Variants in THUMPD3 observed in about 807,000 individuals in gnomAD.
THUMPD3 encodes tRNA (guanine(6)-N(2))-methyltransferase THUMP3.
Under a neutral mutation model 54.5 loss-of-function variants are expected in THUMPD3, and 44 were observed. The observed-to-expected ratio is 0.81, with a 90% CI of 0.63 to 1.04. THUMPD3 has a LOEUF of 1.04. Ranked by LOEUF, THUMPD3 falls within the 50% of genes least tolerant of loss-of-function variation. The pLI, the probability that THUMPD3 is intolerant of heterozygous loss-of-function variation, is 0.00. For missense variants in THUMPD3, 604 were observed against 601.3 expected, an observed-to-expected ratio of 1.00 and a Z score of -0.05; for synonymous variants, 196 against 201.4, an observed-to-expected ratio of 0.97 and a Z score of 0.23.
At chr3:9,379,061 G>T (rs2032680796) in intron 6 of THUMPD3, among the ~76,000 whole-genome samples, 1 of 151,848 alleles carries the variant, frequency 6.6e-6, no homozygotes, top group African/African-American at 2.4e-5. Context: ...TGATCAAAAT[G>T]AATAAAATTA....
chr3:9,370,577 T>C (rs1206916885), intron 3 of THUMPD3, among the ~76,000 whole-genome samples: 2 of 152,224 alleles, frequency 1.3e-5, no homozygotes, highest in Admixed American at 1.3e-4. Context: ...CCTGAGTAGC[T>C]GGGACTACAG....
intron 3 of THUMPD3, among the ~76,000 whole-genome samples, chr3:9,367,287 G>T (rs772588170): frequency 1.3e-5 from 2 of 152,192 alleles, no homozygotes; most frequent in Non-Finnish European, 2.9e-5. Context: ...AAAGAGAATT[G>T]CTTCCAGAAC....
chr3:9,384,102 A>C (rs1218593421), intron 8 of THUMPD3, 110 bp from the exon 9 acceptor site: 1 of 1,234,842 alleles, frequency 8.1e-7, no homozygotes, highest in East Asian at 2.4e-5. Flanking sequence ...GGTTTCTAAA[A>C]CTACAGCTAT....
chr3:9,384,772 T>G lies in THUMPD3; in HGVS notation c.*84T>G, dbSNP rs2033216208. The G allele has an allele frequency of 2.0e-6, 3 of 1,494,252 alleles. No individual in the cohort carries two copies. The highest frequency in any genetic ancestry group is 2.8e-6 in the Non-Finnish European group (3 of 1,086,556). 92.6% of individuals were successfully genotyped at this position (1,494,252 alleles called of 1,614,324 possible). A position where few individuals can be genotyped will look rare whatever the true frequency, so the allele number is the denominator to read the frequency against. On this transcript the variant is annotated 3_prime_UTR_variant, in exon 10 of 10. Transcript: ENST00000452837. Reference sequence around the variant, plus strand: ...GAGAGGAAAAAAGTATTAACAAAACTGCAGTCTGCACTCTTTAAACCTGTT... The same window carrying G: ...GAGAGGAAAAAAGTATTAACAAAACGGCAGTCTGCACTCTTTAAACCTGTT...
intron 2 of THUMPD3, among the ~76,000 whole-genome samples, chr3:9,366,381 A>C (rs2031568572): frequency 6.6e-6 from 1 of 152,174 alleles, no homozygotes; most frequent in South Asian, 2.1e-4. Context: ...GGTACCCAGA[A>C]AATATCTGTG....
chr3:9,382,641 G>C (rs2033014670), intron 7 of THUMPD3, among the ~76,000 whole-genome samples: 1 of 152,130 alleles, frequency 6.6e-6, no homozygotes, highest in South Asian at 2.1e-4. Flanking sequence ...TTAAATTTTT[G>C]TATCATCGGT....
chr3:9,369,485 A>G, intron 3 of THUMPD3, among the ~76,000 whole-genome samples: 1 of 152,208 alleles, frequency 6.6e-6, no homozygotes, highest in East Asian at 1.9e-4. Context: ...CTGAACCATC[A>G]GAAAGCAAAG....
At chr3:9,370,176 G>T (rs573930934) in intron 3 of THUMPD3, among the ~76,000 whole-genome samples, 1 of 152,002 alleles carries the variant, frequency 6.6e-6, no homozygotes, top group East Asian at 1.9e-4. Flanking sequence ...AAGAGATGAG[G>T]GTATCAGTAT....
At chr3:9,364,338 T>A (rs573261833) in intron 1 of THUMPD3, among the ~76,000 whole-genome samples, 11 of 151,232 alleles carry the variant, frequency 7.3e-5, no homozygotes, top group South Asian at 6.2e-4. Flanking sequence ...TTATTATTAT[T>A]TATTTTATTT....
intron 5 of THUMPD3, 54 bp downstream of exon 5, chr3:9,374,700 C>T (rs537925763): frequency 6.3e-7 from 1 of 1,595,874 alleles, no homozygotes; most frequent in African/African-American, 1.3e-5. Context: ...TTTGAATGTT[C>T]CCTTCAAAAT....
chr3:9,384,700 A>G lies in THUMPD3; in HGVS notation c.*12A>G. ...AATGCAAAGAATGAAGATGACTAAT[A>G]GTACTTGTACTTCCCACCACTGGAA... On this transcript the variant is annotated 3_prime_UTR_variant, in exon 10 of 10. Transcript: ENST00000452837. 2 of 1,614,020 alleles carry G rather than the reference A, an allele frequency of 1.2e-6. No homozygotes were observed. The highest frequency in any genetic ancestry group is 8.5e-7 in the Non-Finnish European group (1 of 1,179,914).
At chr3:9,378,683 C>A (rs1275007316) in intron 6 of THUMPD3, among the ~76,000 whole-genome samples, 1 of 152,122 alleles carries the variant, frequency 6.6e-6, no homozygotes, top group Non-Finnish European at 1.5e-5. Context: ...GAGAAATAAT[C>A]CAAACTGTAA....
At chr3:9,368,004 G>T (rs992099764) in intron 3 of THUMPD3, among the ~76,000 whole-genome samples, 17 of 152,062 alleles carry the variant, frequency 1.1e-4, no homozygotes, top group African/African-American at 4.1e-4. Context: ...GGCGGAGCTG[G>T]CAGTGAGCAG....
intron 4 of THUMPD3, among the ~76,000 whole-genome samples, chr3:9,374,172 T>C (rs1435938594): frequency 1.3e-5 from 2 of 152,240 alleles, no homozygotes; most frequent in African/African-American, 4.8e-5. Flanking sequence ...ATATAGTTTT[T>C]TTCGTTCATT....
At position 9,384,839 on chromosome 3, in the gene THUMPD3, G is replaced by A. The variant is rs966906538; in HGVS notation, c.*151G>A. ...GGTTAGCAAAAGGTGTGAATGTAATGTGATGGAATTTAAAAGTTTTATGAG... is the reference window on the plus strand; with the variant it reads ...GGTTAGCAAAAGGTGTGAATGTAATATGATGGAATTTAAAAGTTTTATGAG... On this transcript the variant is annotated 3_prime_UTR_variant, in exon 10 of 10. Coordinates refer to ENST00000452837, the MANE Select transcript of THUMPD3 (RefSeq NM_001114092.2). 1.2e-5 allele frequency: 10 copies of A among 866,636 alleles called. No individual in the cohort carries two copies. The highest frequency in any genetic ancestry group is 7.0e-5 in the South Asian group (4 of 57,088). 53.7% of individuals were successfully genotyped at this position (866,636 alleles called of 1,614,324 possible).
intron 6 of THUMPD3, among the ~76,000 whole-genome samples, chr3:9,380,292 C>T (rs2032779410): frequency 6.6e-6 from 1 of 151,978 alleles, no homozygotes; most frequent in Non-Finnish European, 1.5e-5. Flanking sequence ...GTTGAAAGGG[C>T]ATGAGGTTTG....
intron 1 of THUMPD3, 114 bp from the exon 2 acceptor site, chr3:9,364,902 G>T: frequency 1.3e-6 from 1 of 793,034 alleles, no homozygotes; most frequent in African/African-American, 1.7e-5. Context: ...TTACTTTGGT[G>T]ACTGTTTATC....
intron 2 of THUMPD3, 40 bp downstream of exon 2, chr3:9,365,360 A>G: frequency 1.2e-6 from 2 of 1,603,148 alleles, no homozygotes; most frequent in Non-Finnish European, 8.5e-7. Flanking sequence ...TTCTAAGTTG[A>G]TCATTTTATG....
intron 5 of THUMPD3, among the ~76,000 whole-genome samples, chr3:9,377,032 C>T (rs1260991874): frequency 6.6e-6 from 1 of 151,982 alleles, no homozygotes; most frequent in African/African-American, 2.4e-5. Flanking sequence ...TCCCACAGAG[C>T]AATTTTTTTA....
Sources: allele counts gnomAD v4.1 joint callset (sites outside exome capture counted in the v4.1 genomes callset), GRCh38; gene constraint gnomAD v4.1.1; transcripts MANE v1.5; gene names NCBI Gene and HGNC (gene_info 2026-07-23, HGNC 2026-07-21).